The following NXPE1 variants were observed in gnomAD, a reference collection of about 807,000 sequenced individuals.
NXPE1 encodes NXPE family member 1.
Under a neutral mutation model 33.3 loss-of-function variants are expected in NXPE1, and 31 were observed. The ratio of observed to expected loss-of-function variants is 0.93; its 90% confidence interval spans 0.70 to 1.26. The LOEUF is 1.26. Ranked by LOEUF, NXPE1 falls within the 50% of genes most tolerant of loss-of-function variation. The probability of loss-of-function intolerance (pLI) is 0.00; values close to 1 mark genes in which losing one functional copy is unlikely to be tolerated. For missense variants in NXPE1, 661 were observed against 655.6 expected (o/e 1.01, Z -0.09); for synonymous variants, 229 against 231.4 (o/e 0.99, Z 0.09).
chr11:114,530,508 C>T (rs866834126), exon 6 of NXPE1: 1 of 1,613,926 alleles, frequency 6.2e-7, no homozygotes, highest in Non-Finnish European at 8.5e-7. Flanking sequence ...CAGAGTGAAG[C>T]TGACCAGGTA....
chr11:114,559,301 T>C (rs1948723831), intron 1 of NXPE1, among the ~76,000 whole-genome samples: 1 of 152,176 alleles, frequency 6.6e-6, no homozygotes, highest in Admixed American at 6.5e-5. Flanking sequence ...ACAGGAAACT[T>C]TCCAGCATAA....
chr11:114,520,331 A>G (rs991221049), downstream of NXPE1, among the ~76,000 whole-genome samples: 1 of 152,128 alleles, frequency 6.6e-6, no homozygotes, highest in Non-Finnish European at 1.5e-5. Context: ...AGTTCCATAT[A>G]TAAGTGAGAT....
chr11:114,534,298 C>A (rs1947708968), intron 5 of NXPE1, among the ~76,000 whole-genome samples: 1 of 152,110 alleles, frequency 6.6e-6, no homozygotes, highest in African/African-American at 2.4e-5. Context: ...TAACCATCAT[C>A]AAAGACCAAA....
At chr11:114,532,746 AG>A (rs1274031493) in intron 5 of NXPE1, among the ~76,000 whole-genome samples, 1 of 152,182 alleles carries the variant, frequency 6.6e-6, no homozygotes, top group African/African-American at 2.4e-5. Context: ...TACATATAAA[AG>A]TATATAGGTA....
rs114165622 is a variant in NXPE1, at chr11:114,530,462, G to A, written c.546C>T (p.Leu182=). ...CCGACGCCCCTTCACTGGGGTGGAT[G>A]AGCAGCAGAGACAGGGAGACCTGGC... The change falls in exon 6 of 9, where the codon CTC becomes CTT. Residue 182 remains leucine (L), a synonymous_variant. Transcript: ENST00000534921. 440 of 1,614,228 alleles carry A rather than the reference G, an allele frequency of 2.7e-4. 4 individuals are homozygous for A. In the African/African-American group the frequency reaches 5.3e-3, roughly 20 times the overall value.
At chr11:114,546,555 C>G (rs1948291551) in intron 5 of NXPE1, among the ~76,000 whole-genome samples, 1 of 151,492 alleles carries the variant, frequency 6.6e-6, no homozygotes, top group African/African-American at 2.4e-5. Flanking sequence ...TCCCATCTCA[C>G]CCTCCCAAAG....
At chr11:114,520,159 C>T (rs1039506337), downstream of NXPE1, among the ~76,000 whole-genome samples, 1 of 152,080 alleles carries the variant, frequency 6.6e-6, no homozygotes, top group Non-Finnish European at 1.5e-5. Flanking sequence ...AGCAAATTTT[C>T]CATATACAAT....
intron 7 of NXPE1, among the ~76,000 whole-genome samples, chr11:114,527,614 C>T (rs529368448): frequency 1.3e-4 from 20 of 152,212 alleles, no homozygotes; most frequent in South Asian, 8.3e-4. Flanking sequence ...GGTTTAAACA[C>T]GAATGTAGAT....
At chr11:114,547,245 C>T (rs1453270223) in intron 5 of NXPE1, among the ~76,000 whole-genome samples, 1 of 152,130 alleles carries the variant, frequency 6.6e-6, no homozygotes, top group Non-Finnish European at 1.5e-5. Context: ...CAGCATGCAT[C>T]CTTGATGTGA....
At position 114,527,797 on chromosome 11, in the gene NXPE1, G is replaced by A. The variant is rs778206967; in HGVS notation, c.895+43C>T. The A allele has an allele frequency of 2.3e-5, 33 of 1,423,470 alleles. No homozygotes were observed. In the South Asian group the frequency reaches 4.1e-4, roughly 18 times the overall value. 88.2% of individuals were successfully genotyped at this position (1,423,470 alleles called of 1,614,324 possible). A position where few individuals can be genotyped will look rare whatever the true frequency, so the allele number is the denominator to read the frequency against. On this transcript the variant is annotated intron_variant, in intron 7 of 8. Coordinates refer to ENST00000534921, the Ensembl canonical transcript of NXPE1. The stretch of plus-strand genomic sequence containing the variant: ...ATTATTTAGGTTAATGCTGATAAAA[G>A]TTTCCTCTGAGCATCACCTAACTCA...
chr11:114,530,127 G>A (rs1947524315), intron 6 of NXPE1, 48 bp downstream of exon 6: 1 of 1,532,242 alleles, frequency 6.5e-7, no homozygotes, highest in Non-Finnish European at 8.8e-7. Flanking sequence ...CTCTGACTGG[G>A]GCACTTCTCA....
At chr11:114,537,731 G>A (rs1947892730) in intron 5 of NXPE1, among the ~76,000 whole-genome samples, 1 of 151,968 alleles carries the variant, frequency 6.6e-6, no homozygotes, top group South Asian at 2.1e-4. Flanking sequence ...CAAGGGATGT[G>A]AAGGACCTCT....
intron 7 of NXPE1, among the ~76,000 whole-genome samples, chr11:114,523,615 A>G (rs1456577209): frequency 6.6e-6 from 1 of 152,214 alleles, no homozygotes; most frequent in Non-Finnish European, 1.5e-5. Context: ...GACTTTGCTA[A>G]AAGCAACATG....
intron 1 of NXPE1, chr11:114,553,644 C>T: frequency 1.2e-6 from 1 of 865,500 alleles, no homozygotes; most frequent in Non-Finnish European, 1.4e-6. Flanking sequence ...TTCTTAGAAT[C>T]CTATGGCCAG....
chr11:114,527,182 A>G (rs1274674118), intron 7 of NXPE1: 1 of 152,598 alleles, frequency 6.6e-6, no homozygotes, highest in Non-Finnish European at 1.5e-5. Flanking sequence ...CATGTGTGAG[A>G]TGTGCCTCCC....
chr11:114,527,862 G>C (rs748070045), exon 7 of NXPE1: 1 of 1,606,782 alleles, frequency 6.2e-7, no homozygotes, highest in Non-Finnish European at 8.5e-7. Flanking sequence ...TGACATCAAT[G>C]TGTTTACGAT....
chr11:114,533,672 G>A (rs1215016018), intron 5 of NXPE1, among the ~76,000 whole-genome samples: 1 of 152,178 alleles, frequency 6.6e-6, no homozygotes, highest in Non-Finnish European at 1.5e-5. Flanking sequence ...CTACGCCCAC[G>A]GAGCCTTGCT....
At chr11:114,519,411 A>G (rs1947156402), downstream of NXPE1, among the ~76,000 whole-genome samples, 1 of 152,206 alleles carries the variant, frequency 6.6e-6, no homozygotes, top group Non-Finnish European at 1.5e-5. Flanking sequence ...ATGTTTTAAT[A>G]AAGTTCTCTT....
At chr11:114,528,364 C>T (rs1435007419) in intron 6 of NXPE1, among the ~76,000 whole-genome samples, 2 of 152,156 alleles carry the variant, frequency 1.3e-5, no homozygotes, top group Non-Finnish European at 2.9e-5. Context: ...GCTTACATCC[C>T]TTTATTGTCT....
Sources: gnomAD v4.1 joint callset for allele counts (sites outside exome capture counted in the v4.1 genomes callset) on GRCh38, gnomAD v4.1.1 for gene constraint, MANE v1.5 for transcripts, NCBI Gene and HGNC (gene_info 2026-07-23, HGNC 2026-07-21) for gene names.